Variants in EPHA6 observed in about 807,000 individuals in gnomAD.
EPHA6 encodes EPH receptor A6.
EPHA6 carries 50 observed loss-of-function variants against 112.0 expected under a neutral mutation model. That is an observed-to-expected ratio of 0.45 (90% CI 0.36 to 0.56). EPHA6 has a LOEUF of 0.56. EPHA6 is among the 20% of genes least tolerant of loss of function. EPHA6 has a pLI of 0.00. For missense variants in EPHA6, 1,280 were observed against 1,417.4 expected (o/e 0.90, Z 1.56); for synonymous variants, 529 against 490.7 (o/e 1.08, Z -1.03).
At position 96,868,777 on chromosome 3, in the gene EPHA6, G is replaced by T. The variant is rs143946122; in HGVS notation, c.450+1888G>T. On this transcript the variant is annotated intron_variant, in intron 2 of 17. Transcript: ENST00000389672. ...AATTGAAAAAAACTCTTCCTATAAA[G>T]AATTGACATTTTTGAAATTGTATAA... Among the ~76,000 whole-genome samples the T allele has an allele frequency of 2.9e-3, 447 of 151,976 alleles. 4 individuals are homozygous for T. The highest frequency in any genetic ancestry group is 9.8e-3 in the African/African-American group (407 of 41,526).
chr3:96,905,611 C>G (rs1415885303), intron 2 of EPHA6, among the ~76,000 whole-genome samples: 1 of 151,850 alleles, frequency 6.6e-6, no homozygotes, highest in Non-Finnish European at 1.5e-5. Context: ...GTAAATGTGC[C>G]TGAACTGAAA....
intron 14 of EPHA6, among the ~76,000 whole-genome samples, chr3:97,656,977 T>C (rs944300067): frequency 8.6e-5 from 13 of 152,034 alleles, no homozygotes; most frequent in Admixed American, 7.9e-4. Flanking sequence ...GTATAATATG[T>C]GTCACAAAAA....
chr3:96,925,202 A>T (rs1391944826), intron 2 of EPHA6, among the ~76,000 whole-genome samples: 1 of 152,116 alleles, frequency 6.6e-6, no homozygotes, highest in East Asian at 1.9e-4. Context: ...AATTTTTTGG[A>T]ATAGTTTCAT....
chr3:97,457,219 T>A (rs2090719660), intron 7 of EPHA6, among the ~76,000 whole-genome samples: 1 of 152,180 alleles, frequency 6.6e-6, no homozygotes, highest in African/African-American at 2.4e-5. Context: ...ACCGATAGAA[T>A]GATGTTTTAA....
chr3:97,673,915 T>A (rs756730571), intron 14 of EPHA6, among the ~76,000 whole-genome samples: 18 of 152,328 alleles, frequency 1.2e-4, no homozygotes, highest in Non-Finnish European at 2.1e-4. Flanking sequence ...TATTTTATCC[T>A]TGATTTGGAT....
chr3:97,416,421 G>A (rs1408393145), intron 6 of EPHA6, among the ~76,000 whole-genome samples: 1 of 151,982 alleles, frequency 6.6e-6, no homozygotes, highest in East Asian at 1.9e-4. Context: ...TTTTGGATTA[G>A]GCACTAACCT....
At chr3:97,216,007 G>A (rs1285412036) in intron 3 of EPHA6, among the ~76,000 whole-genome samples, 1 of 152,168 alleles carries the variant, frequency 6.6e-6, no homozygotes, top group Non-Finnish European at 1.5e-5. Context: ...AAGCAAAAGA[G>A]AAAGGGAAAA....
At chr3:97,394,720 A>G (rs774032923) in intron 5 of EPHA6, among the ~76,000 whole-genome samples, 11 of 151,796 alleles carry the variant, frequency 7.2e-5, no homozygotes, top group Non-Finnish European at 1.2e-4. Context: ...CTAAACTGCA[A>G]TGAGATATTA....
chr3:97,317,614 A>C (rs1231821206), intron 5 of EPHA6, among the ~76,000 whole-genome samples: 4 of 151,958 alleles, frequency 2.6e-5, no homozygotes, highest in African/African-American at 9.7e-5. Context: ...TTTTATAATC[A>C]TCATTATGCA....
At chr3:97,037,765 T>C (rs2045159783) in intron 3 of EPHA6, among the ~76,000 whole-genome samples, 1 of 151,988 alleles carries the variant, frequency 6.6e-6, no homozygotes, top group Non-Finnish European at 1.5e-5. Flanking sequence ...GGCAGTGACA[T>C]ACAAGAGGAT....
chr3:97,156,649 G>T (rs2076295825), intron 3 of EPHA6, among the ~76,000 whole-genome samples: 1 of 152,072 alleles, frequency 6.6e-6, no homozygotes, highest in Non-Finnish European at 1.5e-5. Flanking sequence ...AGTTACTCTG[G>T]CATTAACATA....
chr3:97,556,741 T>C (rs2093115780), intron 11 of EPHA6, among the ~76,000 whole-genome samples: 1 of 152,030 alleles, frequency 6.6e-6, no homozygotes, highest in South Asian at 2.1e-4. Context: ...TTTAAAACAT[T>C]ACTAGGTAGT....
At chr3:97,433,542 C>T (rs1174598040) in intron 6 of EPHA6, among the ~76,000 whole-genome samples, 1 of 152,106 alleles carries the variant, frequency 6.6e-6, no homozygotes, top group Non-Finnish European at 1.5e-5. Context: ...GAAAGCAATC[C>T]TCATTTTTCT....
intron 2 of EPHA6, among the ~76,000 whole-genome samples, chr3:96,956,077 G>A (rs757006468): frequency 1.3e-5 from 2 of 150,866 alleles, no homozygotes; most frequent in Non-Finnish European, 3.0e-5. Flanking sequence ...GTGTCAAAAG[G>A]TTGCTTAATT....
At chr3:97,681,738 A>G (rs1186046176) in intron 14 of EPHA6, among the ~76,000 whole-genome samples, 3 of 152,092 alleles carry the variant, frequency 2.0e-5, no homozygotes, top group Non-Finnish European at 4.4e-5. Flanking sequence ...TTAATAAAAT[A>G]CTTCATTATA....
intron 6 of EPHA6, among the ~76,000 whole-genome samples, chr3:97,429,010 A>C (rs548109558): frequency 6.6e-6 from 1 of 152,122 alleles, no homozygotes; most frequent in Non-Finnish European, 1.5e-5. Flanking sequence ...TTTGACTTGG[A>C]CAGGTGTTTC....
chr3:97,727,801 A>G (rs148052935), intron 15 of EPHA6, among the ~76,000 whole-genome samples: 1 of 152,088 alleles, frequency 6.6e-6, no homozygotes, highest in Non-Finnish European at 1.5e-5. Flanking sequence ...AATTAAATAC[A>G]TACTAATTAC....
chr3:97,664,255 A>C (rs1207383205), intron 14 of EPHA6, among the ~76,000 whole-genome samples: 1 of 152,152 alleles, frequency 6.6e-6, no homozygotes, highest in Non-Finnish European at 1.5e-5. Flanking sequence ...AGATGAGTAG[A>C]TGGCAAAAAT....
intron 5 of EPHA6, among the ~76,000 whole-genome samples, chr3:97,279,384 A>T (rs1195316270): frequency 6.6e-6 from 1 of 152,108 alleles, no homozygotes; most frequent in Non-Finnish European, 1.5e-5. Context: ...ATAAGAAGAA[A>T]ATATCTCTAA....
Sources: gnomAD v4.1 joint callset for allele counts (sites outside exome capture counted in the v4.1 genomes callset) on GRCh38, gnomAD v4.1.1 for gene constraint, MANE v1.5 for transcripts, NCBI Gene and HGNC (gene_info 2026-07-23, HGNC 2026-07-21) for gene names.